RASAL2: variants seen among roughly 807,000 people sequenced by gnomAD.
RASAL2 encodes RAS protein activator like 2.
A neutral mutation model predicts 128.9 loss-of-function variants in RASAL2; 58 were observed. That is an observed-to-expected ratio of 0.45 (90% CI 0.36 to 0.56). The LOEUF is 0.56. Among genes scored for constraint, RASAL2 ranks in the 20% least tolerant of loss-of-function variants. The probability of loss-of-function intolerance (pLI) is 0.00; values close to 1 mark genes in which losing one functional copy is unlikely to be tolerated. For missense variants in RASAL2, 1,360 were observed against 1,601.6 expected (o/e 0.85, Z 2.57); for synonymous variants, 561 against 580.8 (o/e 0.97, Z 0.49).
intron 1 of RASAL2, among the ~76,000 whole-genome samples, chr1:178,162,154 A>C (rs1307584341): frequency 6.8e-6 from 1 of 147,584 alleles, no homozygotes; most frequent in African/African-American, 2.5e-5. Context: ...TTTAGTAGAG[A>C]CGGGGTTTCA....
chr1:178,261,947 A>G (rs977466581), intron 1 of RASAL2, among the ~76,000 whole-genome samples: 5 of 151,078 alleles, frequency 3.3e-5, no homozygotes, highest in African/African-American at 1.2e-4. Context: ...TGTGCTTTGC[A>G]TTACAAAAAA....
chr1:178,097,742 C>T lies in RASAL2; in HGVS notation c.202+3048C>T, dbSNP rs577923668. Reference sequence around the variant, plus strand: ...AGTAACCCCCCAAAGAATATCTTAACAGGAACTTCTAGAAACAATATTTTA... The same window carrying T: ...AGTAACCCCCCAAAGAATATCTTAATAGGAACTTCTAGAAACAATATTTTA... On this transcript the variant is annotated intron_variant, in intron 1 of 17. Transcript: ENST00000367649. Among the ~76,000 whole-genome samples, 288 of 152,286 alleles carry T rather than the reference C, an allele frequency of 1.9e-3. 2 individuals are homozygous for T. The highest frequency in any genetic ancestry group is 6.4e-3 in the African/African-American group (268 of 41,560).
chr1:178,146,025 T>C (rs1373682143), intron 1 of RASAL2, among the ~76,000 whole-genome samples: 2 of 152,194 alleles, frequency 1.3e-5, no homozygotes, highest in Non-Finnish European at 2.9e-5. Context: ...GATAGGAAAA[T>C]AGCATTCTCT....
At chr1:178,390,341 A>G in intron 4 of RASAL2, 135 bp downstream of exon 4, 1 of 592,766 alleles carries the variant, frequency 1.7e-6, no homozygotes, top group Non-Finnish European at 2.9e-6. Context: ...ATTAAAGGAT[A>G]GACTCATCAA....
chr1:178,138,622 A>G (rs1373797662), intron 1 of RASAL2, among the ~76,000 whole-genome samples: 1 of 152,128 alleles, frequency 6.6e-6, no homozygotes, highest in African/African-American at 2.4e-5. Flanking sequence ...TGAGCTGCAT[A>G]CATTTTTTTC....
At chr1:178,404,370 G>T (rs573595124) in intron 4 of RASAL2, among the ~76,000 whole-genome samples, 56 of 137,268 alleles carry the variant, frequency 4.1e-4, no homozygotes, top group African/African-American at 1.7e-3. Flanking sequence ...TCAGACAAAT[G>T]CAATTTTTTT....
At chr1:178,358,185 G>A (rs1473690016) in intron 3 of RASAL2, among the ~76,000 whole-genome samples, 1 of 137,298 alleles carries the variant, frequency 7.3e-6, no homozygotes. Context: ...GCAGTAAGCC[G>A]AGAAGGCGCC....
intron 1 of RASAL2, among the ~76,000 whole-genome samples, chr1:178,202,587 T>C (rs1379987401): frequency 6.6e-6 from 1 of 152,118 alleles, no homozygotes; most frequent in African/African-American, 2.4e-5. Flanking sequence ...ATATACTGAG[T>C]CATGGGCTAT....
At chr1:178,232,624 G>A (rs1334343693) in intron 1 of RASAL2, among the ~76,000 whole-genome samples, 1 of 151,884 alleles carries the variant, frequency 6.6e-6, no homozygotes, top group Non-Finnish European at 1.5e-5. Context: ...GCTTTCTTTT[G>A]GCTTTTTTCC....
chr1:178,294,149 T>C (rs1667394456), intron 2 of RASAL2, among the ~76,000 whole-genome samples: 1 of 152,170 alleles, frequency 6.6e-6, no homozygotes. Context: ...ATTAGGGAGC[T>C]TGCACTAATT....
intron 5 of RASAL2, among the ~76,000 whole-genome samples, chr1:178,429,156 A>G (rs1675724024): frequency 6.6e-6 from 1 of 152,060 alleles, no homozygotes; most frequent in Admixed American, 6.6e-5. Flanking sequence ...TCCTTTCTAG[A>G]AAGGAGTTCT....
intron 5 of RASAL2, among the ~76,000 whole-genome samples, chr1:178,436,644 T>C (rs1305889115): frequency 2.0e-5 from 3 of 152,094 alleles, no homozygotes; most frequent in Non-Finnish European, 4.4e-5. Flanking sequence ...AGGTGAGATA[T>C]AGGAAATAGC....
intron 13 of RASAL2, 148 bp downstream of exon 13, chr1:178,457,047 T>A: frequency 1.4e-6 from 1 of 717,294 alleles, no homozygotes; most frequent in Non-Finnish European, 2.3e-6. Flanking sequence ...CAATTATTTG[T>A]CATAATAATG....
At chr1:178,222,851 T>G (rs539305067) in intron 1 of RASAL2, among the ~76,000 whole-genome samples, 2 of 152,294 alleles carry the variant, frequency 1.3e-5, no homozygotes, top group East Asian at 3.9e-4. Flanking sequence ...TTTAACAATT[T>G]TAGTAGTATT....
At chr1:178,192,363 C>A (rs1030035276) in intron 1 of RASAL2, among the ~76,000 whole-genome samples, 9 of 152,032 alleles carry the variant, frequency 5.9e-5, no homozygotes, top group African/African-American at 1.9e-4. Flanking sequence ...CAAAAAAATG[C>A]ATTAGGTAGA....
Position 178,473,086 on chromosome 1 carries a change from C to T in RASAL2, c.3690C>T (p.Ile1230=), listed in dbSNP as rs375788809. The T allele has an allele frequency of 1.0e-4, 165 of 1,614,018 alleles. No individual in the cohort carries two copies. The highest frequency in any genetic ancestry group is 1.6e-4 in the Middle Eastern group (1 of 6,084). ...TTGGTGTGTTGTAGGAAAAACGGAT[C>T]GTGTCCCTGGATTCAGCCAACACCA... ...QKIIDAQEKR[I]VSLDSANTRL... Residue 1230 remains isoleucine, a synonymous_variant, in exon 18 of 18, where the codon ATC becomes ATT. Coordinates refer to ENST00000367649, the MANE Select transcript of RASAL2 (RefSeq NM_170692.4).
At chr1:178,460,473 A>C (rs1678112270) in intron 14 of RASAL2, among the ~76,000 whole-genome samples, 1 of 152,184 alleles carries the variant, frequency 6.6e-6, no homozygotes. Context: ...TCGCATAAGC[A>C]CATAATACAT....
chr1:178,342,965 G>C (rs1669963046), intron 3 of RASAL2, among the ~76,000 whole-genome samples: 1 of 152,134 alleles, frequency 6.6e-6, no homozygotes, highest in Non-Finnish European at 1.5e-5. Context: ...TTCATTTAGT[G>C]CCTAAAAAAG....
intron 4 of RASAL2, among the ~76,000 whole-genome samples, chr1:178,398,382 A>G (rs186674660): frequency 6.2e-4 from 94 of 152,346 alleles, no homozygotes; most frequent in African/African-American, 2.0e-3. Context: ...AGTTTCTTCT[A>G]TAAATTCATA....
Sources: gnomAD v4.1 joint callset for allele counts (sites outside exome capture counted in the v4.1 genomes callset) on GRCh38, gnomAD v4.1.1 for gene constraint, MANE v1.5 for transcripts, NCBI Gene and HGNC (gene_info 2026-07-23, HGNC 2026-07-21) for gene names.